Variants in ZNF723 observed in about 807,000 individuals in gnomAD.
ZNF723 encodes zinc finger protein 723, also known as zinc finger protein 723, pseudogene.
A neutral mutation model predicts 9.4 loss-of-function variants in ZNF723; 5 were observed. That is an observed-to-expected ratio of 0.53 (90% CI 0.28 to 1.12). The LOEUF (loss-of-function observed/expected upper bound fraction) is 1.12, where lower values mean the gene tolerates loss of function less well. Ranked by LOEUF, ZNF723 falls within the 50% of genes most tolerant of loss-of-function variation. ZNF723 has a pLI of 0.10. For synonymous variants in ZNF723, 158 were observed against 168.8 expected (o/e 0.94, Z 0.49); for missense variants, 450 against 501.5 (o/e 0.90, Z 0.98).
intron 1 of ZNF723, among the ~76,000 whole-genome samples, chr19:22,841,520 A>G (rs1967245475): frequency 6.6e-6 from 1 of 152,072 alleles, no homozygotes; most frequent in Admixed American, 6.6e-5. Context: ...TTTTAATTAT[A>G]TTTTCCACAC....
the ZNF723 span, among the ~76,000 whole-genome samples, chr19:22,822,341 T>C: frequency 6.6e-6 from 1 of 152,188 alleles, no homozygotes; most frequent in Non-Finnish European, 1.5e-5. Context: ...ACAGGTTGAA[T>C]AGTGACTGAT....
intron 3 of ZNF723, among the ~76,000 whole-genome samples, chr19:22,852,556 GT>G (rs1967412247): frequency 6.6e-6 from 1 of 151,990 alleles, no homozygotes; most frequent in South Asian, 2.1e-4. Context: ...CATTTTACTA[GT>G]TTTAGCATCT....
chr19:22,829,674 A>G (rs1382545786), upstream of ZNF723, among the ~76,000 whole-genome samples: 1 of 152,186 alleles, frequency 6.6e-6, no homozygotes, highest in Non-Finnish European at 1.5e-5. Flanking sequence ...CAAAAGGGAG[A>G]AATTGTTAAA....
upstream of ZNF723, among the ~76,000 whole-genome samples, chr19:22,828,798 A>T (rs1326753691): frequency 6.6e-6 from 1 of 152,174 alleles, no homozygotes; most frequent in Non-Finnish European, 1.5e-5. Flanking sequence ...AAATAGGTAG[A>T]TCCTAAAACA....
In ZNF723 at chr19:22,858,188, G is replaced by C. The variant is rs753666851; in HGVS notation, c.1297G>C (p.Gly433Arg). The change falls in exon 4 of 4, where the codon GGT becomes CGT. Residue 433 changes from glycine (G) to arginine (R), a missense_variant. Physicochemically the swap from Gly to Arg is moderately radical, Grantham distance 125. Transcript: ENST00000600766. ...TTACAAATGTAAACAATGTGGTAAAGGTTTTAGCCAATCCTCAACCCTTAC... is the reference window on the plus strand; with the variant it reads ...TTACAAATGTAAACAATGTGGTAAACGTTTTAGCCAATCCTCAACCCTTAC... The part of the protein sequence containing the change: ...RPYKCKQCGK[G>R]FSQSSTLTKH... 2.4e-5 allele frequency: 34 copies of C among 1,391,684 alleles called. No homozygotes were observed. Among genetic ancestry groups the C allele is most frequent in the Non-Finnish European group, 3.1e-5 (30 of 980,548 alleles). 86.2% of individuals were successfully genotyped at this position (1,391,684 alleles called of 1,614,324 possible).
chr19:22,813,706 A>C, the ZNF723 span, among the ~76,000 whole-genome samples: 1 of 151,878 alleles, frequency 6.6e-6, no homozygotes, highest in South Asian at 2.1e-4. Flanking sequence ...GAGCCACTGC[A>C]CTCCCGCCTG....
chr19:22,852,019 C>T lies in ZNF723; in HGVS notation c.226+2726C>T, dbSNP rs143665445. On this transcript the variant is annotated intron_variant, in intron 3 of 3. Transcript: ENST00000600766. ...GGTCAGACTGGTCTCAAACTCCCAA[C>T]CTCAGGTGATCTGCCCCCTTCGGCC... Among the ~76,000 whole-genome samples, 12 of 152,130 alleles carry T rather than the reference C, an allele frequency of 7.9e-5. No homozygotes were observed. The East Asian group carries it at 2.1e-3, about 27-fold the overall frequency.
chr19:22,845,889 C>CTTTTTTTTTTTTTTTTTT (rs1214348571), intron 1 of ZNF723, among the ~76,000 whole-genome samples: 13 of 124,390 alleles, frequency 1.0e-4, no homozygotes, highest in African/African-American at 3.7e-4. Flanking sequence ...AAAAATATGC[C>CTTTTTTTTTTTTTTTTTT]TTTTTTTTTT....
intron 3 of ZNF723, among the ~76,000 whole-genome samples, chr19:22,853,754 G>A (rs4932794): frequency 0.21 from 31,977 of 151,962 alleles, 4,004 homozygotes; most frequent in African/African-American, 0.35. Flanking sequence ...AGCTGGAATT[G>A]CAGGCACCTG....
intron 1 of ZNF723, among the ~76,000 whole-genome samples, chr19:22,836,802 A>G (rs1244921207): frequency 6.6e-6 from 1 of 152,226 alleles, no homozygotes; most frequent in East Asian, 1.9e-4. Flanking sequence ...AGGATAGAGA[A>G]TTTTATTTAT....
the ZNF723 span, among the ~76,000 whole-genome samples, chr19:22,826,214 G>A: frequency 4.6e-4 from 70 of 151,226 alleles, no homozygotes; most frequent in African/African-American, 1.7e-3. Context: ...CCTGCCCATA[G>A]GGGAACTGTG....
chr19:22,834,207 C>T (rs1967137449), intron 1 of ZNF723, among the ~76,000 whole-genome samples: 2 of 151,912 alleles, frequency 1.3e-5, no homozygotes, highest in Admixed American at 6.6e-5. Context: ...TGAGCCACTG[C>T]GCCCAGCCTG....
chr19:22,846,634 A>G (rs1967312853), intron 1 of ZNF723, among the ~76,000 whole-genome samples: 1 of 152,050 alleles, frequency 6.6e-6, no homozygotes, highest in African/African-American at 2.4e-5. Context: ...AGAAAAAATG[A>G]TGAGATTTAT....
chr19:22,856,550 T>A (rs905945272), intron 3 of ZNF723, among the ~76,000 whole-genome samples: 1 of 152,224 alleles, frequency 6.6e-6, no homozygotes, highest in African/African-American at 2.4e-5. Context: ...TTAAAGGAGT[T>A]TATTCATGTT....
At chr19:22,823,907 C>T in the ZNF723 span, among the ~76,000 whole-genome samples, 1 of 152,184 alleles carries the variant, frequency 6.6e-6, no homozygotes, top group Non-Finnish European at 1.5e-5. Context: ...CATAGTTCTC[C>T]CCACATAAGA....
intron 1 of ZNF723, among the ~76,000 whole-genome samples, chr19:22,832,818 C>A (rs1268080979): frequency 6.6e-6 from 1 of 152,124 alleles, no homozygotes; most frequent in African/African-American, 2.4e-5. Context: ...AAGAGTTGTT[C>A]AAAAATTATA....
intron 3 of ZNF723, among the ~76,000 whole-genome samples, chr19:22,853,407 T>C (rs1251352989): frequency 6.6e-6 from 1 of 152,186 alleles, no homozygotes; most frequent in Admixed American, 6.5e-5. Context: ...TTGAGCAGCA[T>C]GGACATCTTC....
intron 1 of ZNF723, among the ~76,000 whole-genome samples, chr19:22,839,527 C>T (rs1967212981): frequency 6.8e-6 from 1 of 146,870 alleles, no homozygotes; most frequent in South Asian, 2.2e-4. Context: ...AGTGCAGTGG[C>T]ATGATCTCAG....
intron 2 of ZNF723, 63 bp downstream of exon 2, chr19:22,848,450 G>C: frequency 8.2e-7 from 1 of 1,220,940 alleles, no homozygotes; most frequent in South Asian, 1.4e-5. Flanking sequence ...TGGTGTTGTA[G>C]AATGTTTTTT....
Sources: allele counts gnomAD v4.1 joint callset (sites outside exome capture counted in the v4.1 genomes callset), GRCh38; gene constraint gnomAD v4.1.1; transcripts MANE v1.5; gene names NCBI Gene and HGNC (gene_info 2026-07-23, HGNC 2026-07-21).